The following CLTCL1 variants were observed in gnomAD, a reference collection of about 807,000 sequenced individuals.
CLTCL1 encodes the protein clathrin heavy chain 2.
Under a neutral mutation model 190.0 loss-of-function variants are expected in CLTCL1, and 159 were observed. The observed-to-expected ratio is 0.84, with a 90% CI of 0.74 to 0.95. CLTCL1 has a LOEUF of 0.95. Ranked by LOEUF, CLTCL1 falls within the 40% of genes least tolerant of loss-of-function variation. CLTCL1 has a pLI of 0.00. For missense variants in CLTCL1, 1,878 were observed against 2,033.4 expected (o/e 0.92, Z 1.47); for synonymous variants, 752 against 769.6 (o/e 0.98, Z 0.38).
chr22:19,185,045 A>G (rs970432305), intron 29 of CLTCL1, among the ~76,000 whole-genome samples: 6 of 152,244 alleles, frequency 3.9e-5, no homozygotes, highest in African/African-American at 1.4e-4. Flanking sequence ...TTCTGTTGCT[A>G]GCTGGCTTTG....
Position 19,223,978 on chromosome 22 carries a change from G to A in CLTCL1, c.2205C>T (p.Ala735=), listed in dbSNP as rs782072329. 1 of 1,613,962 alleles carries A rather than the reference G, an allele frequency of 6.2e-7. No homozygotes were observed. Among genetic ancestry groups the A allele is most frequent in the South Asian group, 1.1e-5 (1 of 91,082 alleles). The change falls in exon 14 of 33, where the codon GCC becomes GCT. Residue 735 remains alanine, a synonymous_variant. Transcript: ENST00000427926. ...CCTCCTTGATCTGCCCTGTCTTACA[G>A]GCAGCCTGAATGTATTTCAGATGCA... ...PDVHLKYIQA[A]CKTGQIKEVE... is the part of the protein sequence containing the mutation.
intron 2 of CLTCL1, among the ~76,000 whole-genome samples, chr22:19,272,392 T>C (rs1487254049): frequency 1.3e-5 from 2 of 152,194 alleles, no homozygotes; most frequent in African/African-American, 2.4e-5. Flanking sequence ...CTCTGAGCAC[T>C]TGGGAGTTCA....
intron 23 of CLTCL1, among the ~76,000 whole-genome samples, chr22:19,200,639 G>A (rs1031234917): frequency 6.6e-6 from 1 of 152,148 alleles, no homozygotes; most frequent in South Asian, 2.1e-4. Context: ...AGGAGATAGA[G>A]ACCATCCTGG....
chr22:19,198,628 G>A lies in CLTCL1; in HGVS notation c.3873+1106C>T, dbSNP rs1333802699. Among the ~76,000 whole-genome samples the A allele has an allele frequency of 6.6e-6, 1 of 152,080 alleles. No homozygotes were observed. ...CATTTCTTCAGGTCTTTGCTCAAATGTCACCCCCTCAATTGCTGCTACCTT... is the reference window on the plus strand; with the variant it reads ...CATTTCTTCAGGTCTTTGCTCAAATATCACCCCCTCAATTGCTGCTACCTT... On this transcript the variant is annotated intron_variant, in intron 24 of 32. Coordinates refer to ENST00000427926, the MANE Select transcript of CLTCL1 (RefSeq NM_007098.4). This position sits in a 1 kb window ranked among gnomAD's most constrained non-coding sequence, Gnocchi z 4.1.
rs577163312 is a variant in CLTCL1, at chr22:19,277,664, T to C, written c.43-1834A>G. Among the ~76,000 whole-genome samples, 419 of 152,116 alleles carry C rather than the reference T, an allele frequency of 2.8e-3. 4 individuals carry two copies. The highest frequency in any genetic ancestry group is 9.7e-3 in the African/African-American group (403 of 41,474). ...ATAGCAAGGAAAATAATGCTAGGAG[T>C]GGTTTATTAAGCATAGGAAAAACCT... On this transcript the variant is annotated intron_variant, in intron 1 of 32. Coordinates refer to ENST00000427926, the MANE Select transcript of CLTCL1 (RefSeq NM_007098.4).
At chr22:19,262,955 T>C (rs915654631) in intron 2 of CLTCL1, among the ~76,000 whole-genome samples, 1 of 148,618 alleles carries the variant, frequency 6.7e-6, no homozygotes. Flanking sequence ...CCCTTAACCC[T>C]GGTAAACAGA....
At chr22:19,194,723 G>A (rs2084640365) in intron 26 of CLTCL1, among the ~76,000 whole-genome samples, 1 of 152,208 alleles carries the variant, frequency 6.6e-6, no homozygotes, top group Non-Finnish European at 1.5e-5. Context: ...GTGAATGGCT[G>A]AGCTGGGGTG....
intron 1 of CLTCL1, among the ~76,000 whole-genome samples, chr22:19,283,306 A>T (rs1328387806): frequency 6.6e-6 from 1 of 151,814 alleles, no homozygotes; most frequent in Non-Finnish European, 1.5e-5. Flanking sequence ...TTTGAGACAG[A>T]GTCTTGCTCT....
Position 19,238,241 on chromosome 22 carries a change from C to T in CLTCL1, c.795+1034G>A, listed in dbSNP as rs368602572. ...TGTAGCTGGGACTACAGGTGCACAC[C>T]GCCATGCCCAGTTAATTTTTTATAT... On this transcript the variant is annotated intron_variant, in intron 5 of 32. Coordinates refer to ENST00000427926, the MANE Select transcript of CLTCL1 (RefSeq NM_007098.4). Among the ~76,000 whole-genome samples, 15 of 152,196 alleles carry T rather than the reference C, an allele frequency of 9.9e-5. No individual in the cohort carries two copies. In the East Asian group the frequency reaches 1.7e-3, roughly 18 times the overall value.
chr22:19,254,290 A>G, intron 2 of CLTCL1, 63 bp from the exon 3 acceptor site: 1 of 1,351,608 alleles, frequency 7.4e-7, no homozygotes, highest in South Asian at 1.3e-5. Flanking sequence ...ACAAATTCAT[A>G]TACTCTTAAT....
chr22:19,245,606 T>C (rs946295363), intron 3 of CLTCL1, among the ~76,000 whole-genome samples: 62 of 152,338 alleles, frequency 4.1e-4, no homozygotes, highest in Non-Finnish European at 4.0e-4. Flanking sequence ...AACCTCATCA[T>C]AGTTCCAAAA....
intron 2 of CLTCL1, among the ~76,000 whole-genome samples, chr22:19,259,261 A>C (rs554579397): frequency 6.6e-6 from 1 of 152,172 alleles, no homozygotes; most frequent in East Asian, 1.9e-4. Context: ...GCCCACCACC[A>C]TGCCCGACTA....
intron 3 of CLTCL1, among the ~76,000 whole-genome samples, chr22:19,245,048 C>CA (rs1555967327): frequency 1.3e-5 from 2 of 152,048 alleles, no homozygotes; most frequent in African/African-American, 4.8e-5. Context: ...GGAGGCTTCC[C>CA]AAAGTGACAC....
chr22:19,257,782 T>G, intron 2 of CLTCL1: 1 of 1,421,726 alleles, frequency 7.0e-7, no homozygotes, highest in Non-Finnish European at 9.4e-7. Flanking sequence ...ATGCAAAGCC[T>G]GAACGACCAC....
chr22:19,207,873 A>G (rs2085100292), intron 22 of CLTCL1: 1 of 632,516 alleles, frequency 1.6e-6, no homozygotes, highest in East Asian at 2.7e-5. Flanking sequence ...GGGACCATCT[A>G]GTTGCAGGAA....
chr22:19,209,701 G>GAAGAGGCAAGGACATAAAGATAATTGGT (rs2085158492), intron 20 of CLTCL1, among the ~76,000 whole-genome samples: 1 of 152,186 alleles, frequency 6.6e-6, no homozygotes, highest in Non-Finnish European at 1.5e-5. Flanking sequence ...TAAGGTAAAG[G>GAAGAGGCAAGGACATAAAGATAATTGGT]AAGAGGCAAG....
intron 13 of CLTCL1, among the ~76,000 whole-genome samples, chr22:19,225,206 A>C (rs2085701862): frequency 6.6e-6 from 1 of 152,122 alleles, no homozygotes; most frequent in Admixed American, 6.6e-5. Flanking sequence ...CGGGCTCCAT[A>C]AGTTTCTCCA....
Position 19,201,341 on chromosome 22 carries a change from C to T in CLTCL1, c.3753G>A (p.Arg1251=), listed in dbSNP as rs782159248. 5 of 1,611,700 alleles carry T rather than the reference C, an allele frequency of 3.1e-6. No homozygotes were observed. The African/African-American group carries it at 5.3e-5, about 17-fold the overall frequency. ...VDNSRKASST[R]TWKEVCFACM... Reference sequence around the variant, plus strand: ...GCCCGCAGCTCACCTCCTTCCACGTCCGGGTGCTGCTGGCCTTGCGGCTGT... The same window carrying T: ...GCCCGCAGCTCACCTCCTTCCACGTTCGGGTGCTGCTGGCCTTGCGGCTGT... Residue 1251 remains arginine, a synonymous_variant, in exon 23 of 33, where the codon CGG becomes CGA. Coordinates refer to ENST00000427926, the MANE Select transcript of CLTCL1 (RefSeq NM_007098.4).
At chr22:19,201,631 CA>C in intron 22 of CLTCL1, 138 bp from the exon 23 acceptor site, 1 of 957,374 alleles carries the variant, frequency 1.0e-6, no homozygotes, top group South Asian at 1.6e-5. Flanking sequence ...CACCAGTGAC[CA>C]GATGAAGTTG....
Sources: allele counts gnomAD v4.1 joint callset (sites outside exome capture counted in the v4.1 genomes callset), GRCh38; gene constraint gnomAD v4.1.1; non-coding constraint Gnocchi (gnomAD v3.1); transcripts MANE v1.5; gene names NCBI Gene and HGNC (gene_info 2026-07-23, HGNC 2026-07-21).